PLK5: variants seen among roughly 807,000 people sequenced by gnomAD.
PLK5 encodes inactive serine/threonine-protein kinase PLK5.
PLK5 carries 28 observed loss-of-function variants against 33.7 expected under a neutral mutation model. That is an observed-to-expected ratio of 0.83 (90% CI 0.62 to 1.14). The LOEUF is 1.14. PLK5 is among the 50% of genes most tolerant of loss of function. The pLI is 0.00. For missense variants in PLK5, 492 were observed against 461.5 expected (o/e 1.07, Z -0.61); for synonymous variants, 225 against 202.2 (o/e 1.11, Z -0.96).
chr19:1,533,839 G>C, intron 12 of PLK5, 92 bp from the exon 13 acceptor site: 1 of 1,045,632 alleles, frequency 9.6e-7, no homozygotes, highest in Non-Finnish European at 1.4e-6. Context: ...TGCGGCGGCG[G>C]CTGCGGGAGG....
At position 1,526,612 on chromosome 19, in the gene PLK5, C is replaced by T. The variant is rs1177121214; in HGVS notation, c.-186C>T. The stretch of plus-strand genomic sequence containing the variant: ...GTGCATCCTGCACCGCGACCTGAAG[C>T]TCAGTGAGTGCCAGGAAGGGGAACT... On this transcript the variant is annotated 5_prime_UTR_variant, in exon 4 of 14. Transcript: ENST00000454744. 2.8e-6 allele frequency: 1 copy of T among 351,846 alleles called. No homozygotes were observed. The highest frequency in any genetic ancestry group is 2.2e-5 in the African/African-American group (1 of 46,068). The allele number at this position is 351,846 out of a possible 1,614,324, so 21.8% of individuals were successfully genotyped here.
chr19:1,527,086 G>A (rs1006854354), intron 6 of PLK5, 88 bp downstream of exon 6: 16 of 1,349,732 alleles, frequency 1.2e-5, no homozygotes, highest in East Asian at 5.1e-5. Flanking sequence ...GGTGGGGACC[G>A]TTGTGCAGGG....
chr19:1,531,650 C>T (rs1913931534), intron 11 of PLK5, 88 bp from the exon 12 acceptor site: 1 of 1,454,316 alleles, frequency 6.9e-7, no homozygotes, highest in South Asian at 1.3e-5. Flanking sequence ...AGGGTCTCAC[C>T]CATGGTTTCA....
intron 1 of PLK5, chr19:1,525,071 C>CCT (rs1913699178): frequency 6.5e-6 from 1 of 152,718 alleles, no homozygotes; most frequent in Non-Finnish European, 1.5e-5. Context: ...TGGTCCGTGG[C>CCT]CTCTATGCAC....
intron 3 of PLK5, 49 bp from the exon 4 acceptor site, chr19:1,526,437 G>T (rs559364423): frequency 7.5e-5 from 17 of 227,032 alleles, no homozygotes; most frequent in Non-Finnish European, 1.3e-4. Context: ...ACCTTGGCCA[G>T]GCTGAGCTTA....
Position 1,528,311 on chromosome 19 carries a change from C to A in PLK5, c.211C>A (p.Pro71Thr). Residue 71 changes from proline to threonine, a missense_variant, in exon 8 of 14, where the codon CCA becomes ACA. By Grantham distance (38) the Pro-to-Thr change is conservative. Transcript: ENST00000454744. ...QDDFFTQGFT[P>T]DRLPAHSCHS... ...AAATCCCCATCCAAAGGGTTTCACT[C>A]CAGACCGGCTGCCGGCCCACTCCTG... 1 of 1,535,844 alleles carries A rather than the reference C, an allele frequency of 6.5e-7. No homozygotes were observed. The highest frequency in any genetic ancestry group is 8.7e-7 in the Non-Finnish European group (1 of 1,146,796).
Position 1,535,324 on chromosome 19 carries a change from C to A in PLK5, c.*74C>A. ...AGGCTCCATTTCCATTCCTGTGGCT[C>A]CCCCAGAGGGGCTGTCCTGGGGGAG... On this transcript the variant is annotated 3_prime_UTR_variant, in exon 14 of 14. Transcript: ENST00000454744. 1.4e-6 allele frequency: 2 copies of A among 1,447,676 alleles called. No individual in the cohort carries two copies. The highest frequency in any genetic ancestry group is 1.8e-6 in the Non-Finnish European group (2 of 1,088,676). 89.7% of individuals were successfully genotyped at this position (1,447,676 alleles called of 1,614,324 possible).
chr19:1,533,178 T>C (rs533721725), intron 12 of PLK5, among the ~76,000 whole-genome samples: 17 of 151,656 alleles, frequency 1.1e-4, no homozygotes, highest in Non-Finnish European at 2.1e-4. Context: ...CAGGCTGGAG[T>C]GCAATCTCGG....
chr19:1,531,316 G>A (rs1913920993), intron 11 of PLK5, among the ~76,000 whole-genome samples: 2 of 151,640 alleles, frequency 1.3e-5, no homozygotes, highest in African/African-American at 4.8e-5. Flanking sequence ...GGCTGAGGGA[G>A]GAGAATCGCT....
At chr19:1,531,918 G>A (rs1568254441) in intron 12 of PLK5, 35 bp downstream of exon 12, 1 of 1,426,116 alleles carries the variant, frequency 7.0e-7, no homozygotes, top group Non-Finnish European at 9.1e-7. Context: ...GGGGGACCAG[G>A]CACTCCCCCT....
In PLK5 at chr19:1,529,752, G is replaced by A. The variant is rs1343175338; in HGVS notation, c.496G>A (p.Glu166Lys). Residue 166 changes from glutamate (E) to lysine (K), a missense_variant, in exon 11 of 14, where the codon GAG (glutamate) becomes AAG (lysine). Physicochemically the swap from Glu to Lys is moderately conservative, Grantham distance 56. Transcript: ENST00000454744. ...ACAAAGACCTGTCTTCCCAGGGCCC[G>A]AGGGGAGCCGGCGGCCAGAGGTGGA... Reference protein sequence around the residue: ...GTLQSDLAGPEGSRRPEVEAA... With the variant: ...GTLQSDLAGPKGSRRPEVEAA... The A allele has an allele frequency of 8.5e-6, 13 of 1,536,056 alleles. No homozygotes were observed. Among genetic ancestry groups the A allele is most frequent in the African/African-American group, 8.2e-5 (6 of 73,140 alleles).
In PLK5 at chr19:1,533,812, G is replaced by T. The variant is rs1052488168; in HGVS notation, c.715-119G>T. ...TGGGCGCCAAGCTGGCCGTGCTGCA[G>T]CTCTTTGCCGGCTGCCTGCGGCGGC... On this transcript the variant is annotated intron_variant, in intron 12 of 13. Coordinates refer to ENST00000454744, the MANE Select transcript of PLK5 (RefSeq NM_001243079.2). The T allele has an allele frequency of 5.1e-6, 4 of 791,762 alleles. No individual in the cohort carries two copies. The Admixed American group carries it at 9.3e-5, about 18-fold the overall frequency. 49.0% of individuals were successfully genotyped at this position (791,762 alleles called of 1,614,324 possible).
intron 11 of PLK5, 106 bp downstream of exon 11, chr19:1,529,930 T>A: frequency 8.2e-7 from 1 of 1,218,412 alleles, no homozygotes; most frequent in Non-Finnish European, 1.1e-6. Context: ...GGGTGAGGAG[T>A]AGGGGTGAGG....
At chr19:1,533,579 G>A (rs1177654353) in intron 12 of PLK5, 2 of 485,272 alleles carry the variant, frequency 4.1e-6, no homozygotes, top group African/African-American at 3.9e-5. Context: ...AGAGGACAGA[G>A]AGCCGCACTG....
intron 6 of PLK5, among the ~76,000 whole-genome samples, 164 bp from the exon 7 acceptor site, chr19:1,527,772 C>T (rs980912951): frequency 5.3e-5 from 8 of 151,702 alleles, no homozygotes; most frequent in South Asian, 2.1e-4. Context: ...CACCAAGCAG[C>T]GTGCATGGGA....
chr19:1,527,980 T>A lies in PLK5; in HGVS notation c.47T>A (p.Leu16Gln). 1 of 1,535,946 alleles carries A rather than the reference T, an allele frequency of 6.5e-7. No homozygotes were observed. Among genetic ancestry groups the A allele is most frequent in the Non-Finnish European group, 8.7e-7 (1 of 1,146,830 alleles). The stretch of plus-strand genomic sequence containing the variant: ...ACCCCACCCTTCATGGCCTCACCCC[T>A]GTCGGAGATGTACCAAAACATCCGT... ...TGTPPFMASP[L>Q]SEMYQNIREG... The change falls in exon 7 of 14, where the codon CTG becomes CAG. Residue 16 changes from leucine (L) to glutamine (Q), a missense_variant. Coordinates refer to ENST00000454744, the MANE Select transcript of PLK5 (RefSeq NM_001243079.2).
chr19:1,529,618 A>C (rs1913867481), intron 10 of PLK5, 128 bp downstream of exon 10: 3 of 1,409,330 alleles, frequency 2.1e-6, no homozygotes, highest in Non-Finnish European at 2.9e-6. Flanking sequence ...CCCGCCTGTC[A>C]AATGGGAATG....
rs535642441 is a variant in PLK5 at position 1,534,966 on chromosome 19, G to A, written c.826-99G>A. The A allele has an allele frequency of 4.1e-3, 4,711 of 1,153,298 alleles. 19 individuals carry two copies. Among genetic ancestry groups the A allele is most frequent in the Non-Finnish European group, 4.8e-3 (4,104 of 852,022 alleles). The allele number at this position is 1,153,298 out of a possible 1,614,324, so 71.4% of individuals were successfully genotyped here. On this transcript the variant is annotated intron_variant, in intron 13 of 13. Transcript: ENST00000454744. Reference sequence around the variant, plus strand: ...GCAGGCACTAGGGGCCAGACTGGGGGCTCTGGGTCCAGTGTCCACTTGTCC... The same window carrying A: ...GCAGGCACTAGGGGCCAGACTGGGGACTCTGGGTCCAGTGTCCACTTGTCC...
chr19:1,527,112 A>G, intron 6 of PLK5, 114 bp downstream of exon 6: 1 of 1,162,092 alleles, frequency 8.6e-7, no homozygotes, highest in Non-Finnish European at 1.2e-6. Context: ...CGCGTGGAAC[A>G]GGCACCTGTC....
Sources: gnomAD v4.1 joint callset for allele counts (sites outside exome capture counted in the v4.1 genomes callset) on GRCh38, gnomAD v4.1.1 for gene constraint, MANE v1.5 for transcripts, NCBI Gene and HGNC (gene_info 2026-07-23, HGNC 2026-07-21) for gene names.